The following WDR7 variants were observed in gnomAD, a reference collection of about 807,000 sequenced individuals.
WDR7 encodes the protein WD repeat domain 7, also known as WD repeat-containing protein 7.
Under a neutral mutation model 169.4 loss-of-function variants are expected in WDR7, and 46 were observed. The observed-to-expected ratio is 0.27, with a 90% CI of 0.21 to 0.35. WDR7 has a LOEUF of 0.35. Among genes scored for constraint, WDR7 ranks in the 10% least tolerant of loss-of-function variants. WDR7 has a pLI of 1.00. For missense variants in WDR7, 1,534 were observed against 1,859.3 expected (o/e 0.83, Z 3.22); for synonymous variants, 612 against 666.8 (o/e 0.92, Z 1.27).
At chr18:56,688,209 C>G (rs1056873513) in intron 7 of WDR7, among the ~76,000 whole-genome samples, 11 of 152,082 alleles carry the variant, frequency 7.2e-5, no homozygotes, top group Admixed American at 1.3e-4. Context: ...TGTACTGTGT[C>G]ATAATTAGAA....
chr18:56,670,208 T>G (rs1281083258), intron 1 of WDR7, among the ~76,000 whole-genome samples: 1 of 152,216 alleles, frequency 6.6e-6, no homozygotes, highest in African/African-American at 2.4e-5. Flanking sequence ...CATATACTAT[T>G]CTATCATCAT....
At chr18:56,728,719 T>G (rs2026517009) in intron 13 of WDR7, among the ~76,000 whole-genome samples, 1 of 152,190 alleles carries the variant, frequency 6.6e-6, no homozygotes, top group Non-Finnish European at 1.5e-5. Flanking sequence ...GTTGATTTCT[T>G]AGACCCACCT....
chr18:56,855,215 C>T (rs2045700395), intron 20 of WDR7, among the ~76,000 whole-genome samples: 1 of 142,034 alleles, frequency 7.0e-6, no homozygotes, highest in African/African-American at 2.5e-5. Flanking sequence ...TGTGAAATGC[C>T]TGTTCAAGTC....
chr18:56,674,094 G>C (rs1481298394), intron 2 of WDR7, among the ~76,000 whole-genome samples: 1 of 152,124 alleles, frequency 6.6e-6, no homozygotes, highest in South Asian at 2.1e-4. Flanking sequence ...ACACATTTGT[G>C]TATGAGTTTT....
chr18:56,688,658 G>T (rs560899139), intron 7 of WDR7, among the ~76,000 whole-genome samples: 7 of 152,010 alleles, frequency 4.6e-5, no homozygotes, highest in African/African-American at 1.7e-4. Flanking sequence ...GAGCCCGGGA[G>T]GCAGAGGTTG....
At chr18:56,909,533 C>T (rs536033329) in intron 21 of WDR7, among the ~76,000 whole-genome samples, 1 of 152,066 alleles carries the variant, frequency 6.6e-6, no homozygotes, top group East Asian at 1.9e-4. Context: ...TTGAAAAATA[C>T]TTTGACAGCC....
intron 20 of WDR7, among the ~76,000 whole-genome samples, chr18:56,833,183 G>A (rs1330236795): frequency 2.6e-5 from 4 of 151,842 alleles, no homozygotes; most frequent in Non-Finnish European, 5.9e-5. Context: ...CGAGAACTTC[G>A]TGAAGCATAC....
rs375354236 is a variant in WDR7 at position 56,881,135 on chromosome 18, G to A, written c.3526+970G>A. ...CTCTTGCTGTAAAACTGAGGGCCAT[G>A]TTAGTGACTTTTATTATAAAAGCCC... On this transcript the variant is annotated intron_variant, in intron 21 of 27. Coordinates refer to ENST00000254442, the MANE Select transcript of WDR7 (RefSeq NM_015285.3). Among the ~76,000 whole-genome samples the A allele has an allele frequency of 5.0e-4, 76 of 152,322 alleles. 3 individuals are homozygous for A. In the South Asian group the frequency reaches 0.011, roughly 22 times the overall value.
intron 14 of WDR7, among the ~76,000 whole-genome samples, chr18:56,739,876 A>ATTTTTTTTTTTTTTTTTT (rs58692081): frequency 2.2e-5 from 3 of 138,084 alleles, no homozygotes. Flanking sequence ...CCTAGATGTG[A>ATTTTTTTTTTTTTTTTTT]TTTTTTTTTT....
rs1308985295 is a variant in WDR7, at chr18:57,029,552, C to G, written c.*2345C>G. On this transcript the variant is annotated 3_prime_UTR_variant, in exon 28 of 28. Transcript: ENST00000254442. ...TAATGTTTTATTGATTTCACTGGCA[C>G]TGTATTTGGACCTGTCCTTGTATAT... The G allele has an allele frequency of 6.6e-6, 1 of 152,006 alleles. No individual in the cohort carries two copies. 9.4% of individuals were successfully genotyped at this position (152,006 alleles called of 1,614,324 possible). A position where few individuals can be genotyped will look rare whatever the true frequency, so the allele number is the denominator to read the frequency against.
intron 16 of WDR7, 67 bp from the exon 17 acceptor site, chr18:56,776,715 A>T (rs1324351906): frequency 4.3e-6 from 6 of 1,395,490 alleles, no homozygotes; most frequent in Non-Finnish European, 6.1e-6. Context: ...ACTAATACTA[A>T]GCTTTTTTTC....
chr18:56,664,517 T>A (rs1206836496), intron 1 of WDR7, among the ~76,000 whole-genome samples: 2 of 98,998 alleles, frequency 2.0e-5, no homozygotes, highest in Non-Finnish European at 4.2e-5. Flanking sequence ...GTTCAGAAGT[T>A]TTTTTTTTTC....
chr18:56,924,577 C>A (rs1002935303), intron 22 of WDR7, among the ~76,000 whole-genome samples: 1 of 152,032 alleles, frequency 6.6e-6, no homozygotes, highest in African/African-American at 2.4e-5. Flanking sequence ...GGCAGTGATC[C>A]AGGGAAGCAA....
intron 20 of WDR7, among the ~76,000 whole-genome samples, chr18:56,866,585 TTAGA>T (rs1568238185): frequency 6.6e-6 from 1 of 152,144 alleles, no homozygotes; most frequent in African/African-American, 2.4e-5. Flanking sequence ...GGATTAAGTA[TTAGA>T]TAAATTATTT....
At chr18:56,757,429 TCTTTTTTG>T in intron 15 of WDR7, 77 bp downstream of exon 15, 1 of 1,398,334 alleles carries the variant, frequency 7.2e-7, no homozygotes, top group South Asian at 1.6e-5. Flanking sequence ...TGTTGATTAC[TCTTTTTTG>T]GCTCTACACA....
intron 15 of WDR7, among the ~76,000 whole-genome samples, chr18:56,757,724 C>T (rs1013330737): frequency 2.6e-5 from 4 of 152,072 alleles, no homozygotes; most frequent in African/African-American, 9.7e-5. Flanking sequence ...GTAATCCCAG[C>T]ACTTTGGGAG....
At position 57,027,334 on chromosome 18, in the gene WDR7, C is replaced by T; in HGVS notation, c.*127C>T. 1 of 1,213,720 alleles carries T rather than the reference C, an allele frequency of 8.2e-7. No individual in the cohort carries two copies. Among genetic ancestry groups the T allele is most frequent in the Non-Finnish European group, 1.1e-6 (1 of 881,810 alleles). 75.2% of individuals were successfully genotyped at this position (1,213,720 alleles called of 1,614,324 possible). A position where few individuals can be genotyped will look rare whatever the true frequency, so the allele number is the denominator to read the frequency against. On this transcript the variant is annotated 3_prime_UTR_variant, in exon 28 of 28. Coordinates refer to ENST00000254442, the MANE Select transcript of WDR7 (RefSeq NM_015285.3). ...ACCCCAGTGCCATCCAGTGGCACGG[C>T]CGGGTCTTGTCACTTGTGCATGCTT... is the stretch of plus-strand genomic sequence containing the variant.
intron 26 of WDR7, among the ~76,000 whole-genome samples, chr18:57,003,719 C>T (rs1160061482): frequency 2.0e-5 from 3 of 151,848 alleles, no homozygotes; most frequent in Non-Finnish European, 4.4e-5. Flanking sequence ...TTTAATAATC[C>T]TTACGTTAAA....
chr18:56,818,925 T>A (rs1339879223), intron 20 of WDR7, among the ~76,000 whole-genome samples: 1 of 152,196 alleles, frequency 6.6e-6, no homozygotes, highest in Non-Finnish European at 1.5e-5. Context: ...GACAGGTATT[T>A]GCCTGCATTT....
Sources: allele counts gnomAD v4.1 joint callset (sites outside exome capture counted in the v4.1 genomes callset), GRCh38; gene constraint gnomAD v4.1.1; transcripts MANE v1.5; gene names NCBI Gene and HGNC (gene_info 2026-07-23, HGNC 2026-07-21).